Variants in USP10 observed in about 807,000 individuals in gnomAD.
USP10 encodes the protein ubiquitin carboxyl-terminal hydrolase 10.
A neutral mutation model predicts 84.5 loss-of-function variants in USP10; 22 were observed. The ratio of observed to expected loss-of-function variants is 0.26; its 90% CI spans 0.19 to 0.37. The LOEUF is 0.37. USP10 is among the 10% of genes least tolerant of loss of function. USP10 has a pLI of 1.00. For missense variants in USP10, 1,019 were observed against 998.9 expected (o/e 1.02, Z -0.27); for synonymous variants, 454 against 387.6 (o/e 1.17, Z -2.01).
intron 11 of USP10, 76 bp from the exon 12 acceptor site, chr16:84,772,465 G>C: frequency 6.3e-7 from 1 of 1,592,478 alleles, no homozygotes; most frequent in Non-Finnish European, 8.6e-7. Context: ...GGACGTCTTT[G>C]AGCGGAAGGT....
intron 1 of USP10, among the ~76,000 whole-genome samples, chr16:84,729,986 A>C (rs182976227): frequency 6.6e-6 from 1 of 152,282 alleles, no homozygotes; most frequent in Admixed American, 6.5e-5. Context: ...GTCTGTGCAA[A>C]ATGGGTGTAT....
At position 84,769,605 on chromosome 16, in the gene USP10, C is replaced by T. The variant is rs116483394; in HGVS notation, c.1998+1247C>T. ...GCATTGTGGGTGACTGTCGGCTTGG[C>T]TCACTTCTGTGGCAGCTGCAACTCC... On this transcript the variant is annotated intron_variant, in intron 11 of 13. Transcript: ENST00000219473. Among the ~76,000 whole-genome samples, 1,217 of 152,014 alleles carry T rather than the reference C, an allele frequency of 8.0e-3. 13 individuals carry two copies. Among genetic ancestry groups the T allele is most frequent in the African/African-American group, 0.027 (1,135 of 41,460 alleles).
At chr16:84,752,727 T>C (rs1414045080) in intron 4 of USP10, among the ~76,000 whole-genome samples, 1 of 152,206 alleles carries the variant, frequency 6.6e-6, no homozygotes, top group Non-Finnish European at 1.5e-5. Context: ...ACCCCTGTTT[T>C]TTTCACTGCG....
intron 4 of USP10, among the ~76,000 whole-genome samples, chr16:84,752,035 A>C (rs148487760): frequency 1.2e-3 from 184 of 152,310 alleles, no homozygotes; most frequent in African/African-American, 4.2e-3. Context: ...TTAAAATTTG[A>C]AAAAAGGCTA....
At position 84,745,202 on chromosome 16, in the gene USP10, C is replaced by A. The variant is rs1911069348; in HGVS notation, c.721C>A (p.Gln241Lys). Residue 241 changes from glutamine (Q) to lysine (K), a missense_variant, in exon 4 of 14, where the codon CAG becomes AAG. Gln to Lys is a moderately conservative substitution (Grantham distance 53). This residue lies in a region of USP10 where 787 missense variants were observed against 708.8 expected (regional missense o/e 1.11). Transcript: ENST00000219473. Reference sequence around the variant, plus strand: ...CGGCAGTGACACCAGGACTGCAGGGCAGCCAGAGGGGGGCCCCGGGGCTGA... The same window carrying A: ...CGGCAGTGACACCAGGACTGCAGGGAAGCCAGAGGGGGGCCCCGGGGCTGA... ...ALGSDTRTAG[Q>K]PEGGPGADFG... 2 of 1,613,146 alleles carry A rather than the reference C, an allele frequency of 1.2e-6. No individual in the cohort carries two copies. The highest frequency in any genetic ancestry group is 1.3e-5 in the African/African-American group (1 of 74,916).
intron 1 of USP10, among the ~76,000 whole-genome samples, chr16:84,719,724 C>G (rs979388882): frequency 9.9e-5 from 15 of 152,148 alleles, no homozygotes; most frequent in African/African-American, 3.6e-4. Context: ...TAACAGTTTT[C>G]TAATAAAAGA....
rs1435885304 is a variant in USP10 at position 84,731,048 on chromosome 16, C to T, written c.22-2387C>T. On this transcript the variant is annotated intron_variant, in intron 1 of 13. Coordinates refer to ENST00000219473, the MANE Select transcript of USP10 (RefSeq NM_005153.3). ...AGGCTGGAGTGCAGTGGCTCATTCT[C>T]GGCTTGCTGCAACCTCCACCTCCCG... Among the ~76,000 whole-genome samples the T allele has an allele frequency of 3.5e-5, 5 of 141,818 alleles. No individual in the cohort carries two copies. In the Admixed American group the frequency reaches 3.7e-4, roughly 11 times the overall value. The allele number at this position is 141,818 out of a possible 152,430, so 93.0% of individuals were successfully genotyped here.
intron 1 of USP10, chr16:84,708,934 C>G (rs1238271855): frequency 6.6e-6 from 1 of 152,208 alleles, no homozygotes; most frequent in African/African-American, 2.4e-5. Flanking sequence ...TTTAGAGGTT[C>G]GCTGGGTAGT....
Position 84,772,549 on chromosome 16 carries a change from A to G in USP10, c.2007A>G (p.Ile669Met), listed in dbSNP as rs1031818867. ...YTTKTKQEVEISRRVTLEKLP... is the reference protein window; with the variant it reads ...YTTKTKQEVEMSRRVTLEKLP... ...TGTGCTTTGTGTCTTAGGTTGAGAT[A>G]AGTCGAAGAGTGACTCTGGAAAAAC... Residue 669 changes from isoleucine to methionine, a missense_variant, in exon 12 of 14, where the codon ATA (isoleucine) becomes ATG (methionine). Physicochemically the swap from Ile to Met is conservative, Grantham distance 10. Coordinates refer to ENST00000219473, the MANE Select transcript of USP10 (RefSeq NM_005153.3). The G allele has an allele frequency of 6.2e-7, 1 of 1,613,780 alleles. No individual in the cohort carries two copies. The highest frequency in any genetic ancestry group is 1.3e-5 in the African/African-American group (1 of 75,016).
intron 1 of USP10, chr16:84,708,849 A>T (rs1394331469): frequency 6.6e-6 from 1 of 152,218 alleles, no homozygotes; most frequent in Non-Finnish European, 1.5e-5. Flanking sequence ...GAAGGACTTT[A>T]TATCTTTTGT....
chr16:84,700,788 G>A (rs1904765071), intron 1 of USP10, among the ~76,000 whole-genome samples: 2 of 152,120 alleles, frequency 1.3e-5, no homozygotes, highest in African/African-American at 4.8e-5. Context: ...CACCCTGCCT[G>A]AACAGTAGCT....
intron 1 of USP10, among the ~76,000 whole-genome samples, chr16:84,720,798 G>A (rs1180942413): frequency 6.6e-6 from 1 of 150,646 alleles, no homozygotes; most frequent in Non-Finnish European, 1.5e-5. Context: ...TAGCGGGGAT[G>A]GTCTCGATCT....
At chr16:84,710,746 G>A (rs142045338) in intron 1 of USP10, among the ~76,000 whole-genome samples, 1 of 152,126 alleles carries the variant, frequency 6.6e-6, no homozygotes, top group African/African-American at 2.4e-5. Context: ...ATCCTCGAGT[G>A]CCCTCTTCTA....
At chr16:84,714,488 A>G (rs561189790) in intron 1 of USP10, among the ~76,000 whole-genome samples, 2 of 150,426 alleles carry the variant, frequency 1.3e-5, no homozygotes, top group East Asian at 3.9e-4. Flanking sequence ...ACGGCTTTGC[A>G]TTTCTTATAT....
At position 84,749,469 on chromosome 16, in the gene USP10, T is replaced by A. The variant is rs187377677; in HGVS notation, c.1192+3796T>A. 9.7e-4 allele frequency among the ~76,000 whole-genome samples: 148 copies of A among 152,290 alleles called. No individual in the cohort carries two copies. The Middle Eastern group carries it at 0.01, about 10-fold the overall frequency. ...GGGAATGATTTAGACATTAAATGTATTCCTTTCTGCCAGGCATGATAGTGT... is the reference window on the plus strand; with the variant it reads ...GGGAATGATTTAGACATTAAATGTAATCCTTTCTGCCAGGCATGATAGTGT... On this transcript the variant is annotated intron_variant, in intron 4 of 13. Transcript: ENST00000219473.
chr16:84,715,682 T>C (rs896285055), intron 1 of USP10, among the ~76,000 whole-genome samples: 6 of 152,208 alleles, frequency 3.9e-5, no homozygotes, highest in Non-Finnish European at 4.4e-5. Flanking sequence ...GCTTTCTAAC[T>C]GGCTTACACC....
In USP10 at chr16:84,764,278, G is replaced by T; in HGVS notation, c.1832+15G>T. 1 of 1,613,884 alleles carries T rather than the reference G, an allele frequency of 6.2e-7. No homozygotes were observed. Among genetic ancestry groups the T allele is most frequent in the Non-Finnish European group, 8.5e-7 (1 of 1,179,850 alleles). ...GGACACATCAGGTTTGTGCTTTTCT[G>T]GAATAACTTAATATTTGCCTTTTCT... On this transcript the variant is annotated intron_variant, in intron 10 of 13. Transcript: ENST00000219473.
At chr16:84,714,987 T>TG (rs1482178292) in intron 1 of USP10, among the ~76,000 whole-genome samples, 1 of 151,374 alleles carries the variant, frequency 6.6e-6, no homozygotes, top group African/African-American at 2.4e-5. Flanking sequence ...TGGAGTGCAG[T>TG]TCGCAGTCTC....
At position 84,745,548 on chromosome 16, in the gene USP10, C is replaced by G; in HGVS notation, c.1067C>G (p.Pro356Arg). 6.2e-7 allele frequency: 1 copy of G among 1,610,800 alleles called. No homozygotes were observed. The highest frequency in any genetic ancestry group is 2.2e-5 in the East Asian group (1 of 44,784). ...FHDSKPSSSS[P>R]VAYVETKYSP... Reference sequence around the variant, plus strand: ...GATTCTAAGCCCTCTTCCTCCTCGCCGGTGGCCTATGTGGAAACTAAGTAT... The same window carrying G: ...GATTCTAAGCCCTCTTCCTCCTCGCGGGTGGCCTATGTGGAAACTAAGTAT... Residue 356 changes from proline to arginine, a missense_variant, in exon 4 of 14, where the codon CCG (proline) becomes CGG (arginine). Physicochemically the swap from Pro to Arg is moderately radical, Grantham distance 103. This residue lies in a region of USP10 where 787 missense variants were observed against 708.8 expected (regional missense o/e 1.11). Coordinates refer to ENST00000219473, the MANE Select transcript of USP10 (RefSeq NM_005153.3).
Sources: gnomAD v4.1 joint callset for allele counts (sites outside exome capture counted in the v4.1 genomes callset) on GRCh38, gnomAD v4.1.1 for gene constraint, gnomAD v4.1.1 regional missense constraint, MANE v1.5 for transcripts, NCBI Gene and HGNC (gene_info 2026-07-23, HGNC 2026-07-21) for gene names.